Variants in CHODL observed in about 807,000 individuals in gnomAD.
CHODL encodes the protein chondrolectin.
A neutral mutation model predicts 34.5 loss-of-function variants in CHODL; 29 were observed. That is an observed-to-expected ratio of 0.84 (90% CI 0.63 to 1.15). The LOEUF (loss-of-function observed/expected upper bound fraction) is 1.15. CHODL is among the 50% of genes most tolerant of loss of function. The probability of loss-of-function intolerance (pLI) is 0.00; values close to 1 mark genes in which losing one functional copy is unlikely to be tolerated. For missense variants in CHODL, 332 were observed against 332.5 expected (o/e 1.00, Z 0.01); for synonymous variants, 125 against 116.1 (o/e 1.08, Z -0.49).
chr21:18,087,147 G>A (rs1197430948), intron 2 of CHODL, among the ~76,000 whole-genome samples: 1 of 152,204 alleles, frequency 6.6e-6, no homozygotes, highest in Non-Finnish European at 1.5e-5. Context: ...CTTGGCCCAT[G>A]TTAAAATGGT....
chr21:18,222,296 C>G (rs189333284), intron 2 of CHODL, among the ~76,000 whole-genome samples: 1 of 152,134 alleles, frequency 6.6e-6, no homozygotes, highest in South Asian at 2.1e-4. Context: ...TCCTGAGGCT[C>G]TCTGCACTAA....
At position 18,029,963 on chromosome 21, in the gene CHODL, G is replaced by C. The variant is rs1297136376; in HGVS notation, c.-45+1992G>C. Among the ~76,000 whole-genome samples the C allele has an allele frequency of 2.0e-5, 3 of 152,040 alleles. No homozygotes were observed. In the South Asian group the frequency reaches 6.2e-4, roughly 32 times the overall value. ...CTTTTATCCTCTCTTGGATCCTGGG[G>C]CTTTCTGAGAGGCTTCTCTAGCCCC... On this transcript the variant is annotated intron_variant, in intron 2 of 6. Transcript: ENST00000400127.
intron 1 of CHODL, among the ~76,000 whole-genome samples, chr21:18,000,862 A>G (rs1467946988): frequency 2.0e-5 from 3 of 152,222 alleles, no homozygotes; most frequent in African/African-American, 7.2e-5. Context: ...CTTTCAGAAC[A>G]GCTTTTTCTT....
chr21:17,975,991 G>T (rs1229036301), intron 1 of CHODL, among the ~76,000 whole-genome samples: 2 of 151,992 alleles, frequency 1.3e-5, no homozygotes, highest in East Asian at 3.9e-4. Context: ...GTTTCACAAA[G>T]ACTATATGCT....
chr21:17,996,386 T>G (rs2063849634), intron 1 of CHODL, among the ~76,000 whole-genome samples: 1 of 152,358 alleles, frequency 6.6e-6, no homozygotes, highest in Admixed American at 6.5e-5. Context: ...GCTGTATCCT[T>G]GCCTCTGGAC....
chr21:18,088,443 C>A (rs2065033880), intron 2 of CHODL, among the ~76,000 whole-genome samples: 1 of 152,182 alleles, frequency 6.6e-6, no homozygotes. Context: ...CCATGGGATT[C>A]TCTGTGGGCT....
At chr21:17,966,259 AC>A (rs1198396873) in intron 1 of CHODL, among the ~76,000 whole-genome samples, 1 of 152,142 alleles carries the variant, frequency 6.6e-6, no homozygotes, top group African/African-American at 2.4e-5. Flanking sequence ...TTAGAAAAAT[AC>A]AGTTTTTTCT....
At chr21:17,962,783 G>A (rs2063540786) in intron 1 of CHODL, among the ~76,000 whole-genome samples, 3 of 152,196 alleles carry the variant, frequency 2.0e-5, no homozygotes, top group Middle Eastern at 3.4e-3. Context: ...ATACTTCCAG[G>A]CCAGGCGCGG....
At chr21:18,087,333 C>T (rs1360834188) in intron 2 of CHODL, among the ~76,000 whole-genome samples, 1 of 152,166 alleles carries the variant, frequency 6.6e-6, no homozygotes, top group East Asian at 1.9e-4. Context: ...CCCTCTTTGG[C>T]TGGGTGGTGG....
At chr21:18,126,270 T>A (rs1251194691) in intron 2 of CHODL, among the ~76,000 whole-genome samples, 1 of 152,330 alleles carries the variant, frequency 6.6e-6, no homozygotes, top group Non-Finnish European at 1.5e-5. Context: ...TATGAAGGCT[T>A]AGATGATTAT....
intron 2 of CHODL, among the ~76,000 whole-genome samples, chr21:18,171,198 G>GTTCTTTTTT (rs1333481522): frequency 0.02 from 754 of 37,042 alleles, 345 homozygotes; most frequent in African/African-American, 0.092. Flanking sequence ...GTTTTCTTTA[G>GTTCTTTTTT]TTTTTTTTTT....
intron 1 of CHODL, among the ~76,000 whole-genome samples, chr21:18,018,978 C>G (rs182112961): frequency 6.6e-6 from 1 of 152,264 alleles, no homozygotes; most frequent in East Asian, 1.9e-4. Context: ...ATCTGCCTGT[C>G]CAGTCCTAAT....
chr21:18,160,980 C>T (rs1290417896), intron 2 of CHODL, among the ~76,000 whole-genome samples: 3 of 152,162 alleles, frequency 2.0e-5, no homozygotes, highest in Non-Finnish European at 4.4e-5. Flanking sequence ...TTCTCCACAA[C>T]CTTGCCAGTA....
chr21:17,921,817 T>C lies in CHODL; in HGVS notation c.-145+4417T>C, dbSNP rs887369970. ...TACAAGTCCAGGCAAGAGATAATGCTGAGCTGGACTAGGTTGATGCAGCAT... is the reference window on the plus strand; with the variant it reads ...TACAAGTCCAGGCAAGAGATAATGCCGAGCTGGACTAGGTTGATGCAGCAT... On this transcript the variant is annotated intron_variant, in intron 1 of 6. Transcript: ENST00000400127. Among the ~76,000 whole-genome samples the C allele has an allele frequency of 5.3e-5, 8 of 152,340 alleles. No homozygotes were observed. In the East Asian group the frequency reaches 9.6e-4, roughly 18 times the overall value.
At chr21:18,118,988 T>G (rs543222872) in intron 2 of CHODL, among the ~76,000 whole-genome samples, 1 of 152,322 alleles carries the variant, frequency 6.6e-6, no homozygotes, top group East Asian at 1.9e-4. Context: ...CAGTCAGTTT[T>G]AACTCATAAA....
intron 1 of CHODL, chr21:18,246,012 C>T: frequency 7.5e-7 from 1 of 1,337,366 alleles, no homozygotes; most frequent in South Asian, 1.2e-5. Flanking sequence ...CATGGGAAAT[C>T]GATCAAAATT....
chr21:18,235,927 T>C (rs1301317311), intron 2 of CHODL, among the ~76,000 whole-genome samples: 1 of 152,210 alleles, frequency 6.6e-6, no homozygotes, highest in Non-Finnish European at 1.5e-5. Context: ...AGATTTAGAA[T>C]GTCCAGTGTA....
At chr21:18,179,309 G>A (rs760972921) in intron 2 of CHODL, among the ~76,000 whole-genome samples, 6 of 152,012 alleles carry the variant, frequency 3.9e-5, no homozygotes, top group Admixed American at 6.5e-5. Context: ...GCCTCTGTTC[G>A]TCGATTCCTG....
intron 4 of CHODL, among the ~76,000 whole-genome samples, chr21:18,262,002 T>C (rs559665477): frequency 6.6e-6 from 1 of 152,048 alleles, no homozygotes; most frequent in Non-Finnish European, 1.5e-5. Flanking sequence ...TTACCCAATA[T>C]ATTTACAATA....
Sources: allele counts gnomAD v4.1 joint callset (sites outside exome capture counted in the v4.1 genomes callset), GRCh38; gene constraint gnomAD v4.1.1; transcripts MANE v1.5; gene names NCBI Gene and HGNC (gene_info 2026-07-23, HGNC 2026-07-21).